Variants in YAP1 observed in about 807,000 individuals in gnomAD.
YAP1 encodes transcriptional coactivator YAP1.
Under a neutral mutation model 56.9 loss-of-function variants are expected in YAP1, and 5 were observed. That is an observed-to-expected ratio of 0.09 (90% confidence interval 0.05 to 0.18). The LOEUF (loss-of-function observed/expected upper bound fraction) is 0.18. Among genes scored for constraint, YAP1 ranks in the 10% least tolerant of loss-of-function variants. The pLI is 1.00. For missense variants in YAP1, 539 were observed against 651.8 expected (o/e 0.83, Z 1.88); for synonymous variants, 265 against 248.1 (o/e 1.07, Z -0.64).
At chr11:102,145,448 G>T (rs1945272618) in intron 2 of YAP1, among the ~76,000 whole-genome samples, 1 of 152,142 alleles carries the variant, frequency 6.6e-6, no homozygotes, top group African/African-American at 2.4e-5. Flanking sequence ...CCCCATAGAA[G>T]TTGCTATCAA....
chr11:102,186,847 T>TGTGTGTGTGTG (rs1555013227), intron 4 of YAP1, among the ~76,000 whole-genome samples: 12 of 151,334 alleles, frequency 7.9e-5, no homozygotes, highest in East Asian at 1.9e-4. Flanking sequence ...TGTGTGTGTG[T>TGTGTGTGTGTG]TTTAAACTGT....
At chr11:102,206,729 A>G (rs540547083) in intron 5 of YAP1, among the ~76,000 whole-genome samples, 2 of 152,214 alleles carry the variant, frequency 1.3e-5, no homozygotes, top group South Asian at 2.1e-4. Context: ...TGTAATCTCA[A>G]CTTCTCAGGA....
chr11:102,127,342 G>A (rs1424868404), intron 2 of YAP1, among the ~76,000 whole-genome samples: 5 of 152,192 alleles, frequency 3.3e-5, no homozygotes, highest in Non-Finnish European at 7.3e-5. Flanking sequence ...TGTGCTGTGT[G>A]CAGTCTAGGG....
chr11:102,217,600 C>G lies in YAP1; in HGVS notation c.1033-6022C>G, dbSNP rs192535203. Among the ~76,000 whole-genome samples the G allele has an allele frequency of 6.5e-4, 99 of 152,120 alleles. 1 individual carries two copies. The highest frequency in any genetic ancestry group is 2.3e-3 in the African/African-American group (97 of 41,492). ...TTATTTTAGAAAATTCTAGAAAATA[C>G]CGAATAATCTACAATGACAAAAAGC... On this transcript the variant is annotated intron_variant, in intron 6 of 8. Transcript: ENST00000282441.
chr11:102,155,754 A>G (rs1361158743), intron 2 of YAP1, among the ~76,000 whole-genome samples: 1 of 152,150 alleles, frequency 6.6e-6, no homozygotes, highest in Non-Finnish European at 1.5e-5. Flanking sequence ...AAGCCCTGTT[A>G]TGTTGTTAAC....
chr11:102,163,838 T>C (rs964061428), intron 3 of YAP1, among the ~76,000 whole-genome samples: 8 of 152,134 alleles, frequency 5.3e-5, no homozygotes, highest in African/African-American at 1.9e-4. Context: ...ATACCTCTGC[T>C]CTTGCTTTTG....
Position 102,110,820 on chromosome 11 carries a change from G to C in YAP1, c.-29G>C, listed in dbSNP as rs1942845198. On this transcript the variant is annotated 5_prime_UTR_variant, in exon 1 of 9. Transcript: ENST00000282441. ...GCGTAGCCCTCGCTCGCCTGGGTCA[G>C]GGGGTGCGCGTCGGGGGAGGCAGAA... 2 of 1,371,502 alleles carry C rather than the reference G, an allele frequency of 1.5e-6. No individual in the cohort carries two copies. Among genetic ancestry groups the C allele is most frequent in the South Asian group, 1.6e-5 (1 of 62,156 alleles). The allele number at this position is 1,371,502 out of a possible 1,614,324, so 85.0% of individuals were successfully genotyped here.
At chr11:102,131,177 A>G (rs1675994294) in intron 2 of YAP1, among the ~76,000 whole-genome samples, 1 of 152,236 alleles carries the variant, frequency 6.6e-6, no homozygotes, top group South Asian at 2.1e-4. Flanking sequence ...GCTTTGATGT[A>G]GTTATAGTTT....
At chr11:102,165,193 TACA>T (rs1946529447) in intron 3 of YAP1, among the ~76,000 whole-genome samples, 2 of 143,932 alleles carry the variant, frequency 1.4e-5, no homozygotes, top group African/African-American at 2.7e-5. Context: ...ACCTTGTCTC[TACA>T]AAAAAAAAAA....
chr11:102,171,035 G>A (rs1429206191), intron 3 of YAP1, among the ~76,000 whole-genome samples: 2 of 150,946 alleles, frequency 1.3e-5, no homozygotes, highest in African/African-American at 4.9e-5. Context: ...CTTAATAAAT[G>A]ACTTATTACA....
intron 6 of YAP1, among the ~76,000 whole-genome samples, chr11:102,218,064 A>G (rs1362897040): frequency 6.6e-6 from 1 of 152,206 alleles, no homozygotes; most frequent in South Asian, 2.1e-4. Context: ...AAACTCATCA[A>G]TTTATGCACT....
At position 102,110,686 on chromosome 11, in the gene YAP1, G is replaced by A. The variant is rs868518014; in HGVS notation, c.-163G>A. On this transcript the variant is annotated 5_prime_UTR_variant, in exon 1 of 9. Coordinates refer to ENST00000282441, the MANE Select transcript of YAP1 (RefSeq NM_001130145.3). ...GCGGGGGCGGAGGCGCCGGGGCGGG[G>A]GATGCGGGGCCGCGGCGCAGCCCCC... 1.2e-4 allele frequency: 58 copies of A among 504,278 alleles called. 1 individual carries two copies. In the Middle Eastern group the frequency reaches 2.1e-3, roughly 18 times the overall value. The allele number at this position is 504,278 out of a possible 1,614,324, so 31.2% of individuals were successfully genotyped here.
At chr11:102,174,488 G>A (rs574853497) in intron 3 of YAP1, among the ~76,000 whole-genome samples, 1 of 151,840 alleles carries the variant, frequency 6.6e-6, no homozygotes. Context: ...CAGGAGAATC[G>A]CTTGAACCCA....
chr11:102,196,213 G>A (rs1565256557), intron 4 of YAP1, among the ~76,000 whole-genome samples: 3 of 152,034 alleles, frequency 2.0e-5, no homozygotes, highest in Non-Finnish European at 2.9e-5. Context: ...AATTGGGAAC[G>A]TATGTCTCCA....
At chr11:102,137,270 C>G (rs1944726898) in intron 2 of YAP1, among the ~76,000 whole-genome samples, 1 of 152,172 alleles carries the variant, frequency 6.6e-6, no homozygotes, top group Non-Finnish European at 1.5e-5. Flanking sequence ...GTAATACCTA[C>G]TAAGCAGAGT....
intron 2 of YAP1, among the ~76,000 whole-genome samples, chr11:102,130,038 A>G (rs955592057): frequency 1.3e-5 from 2 of 152,038 alleles, no homozygotes; most frequent in Non-Finnish European, 2.9e-5. Context: ...CAGCTTCCCA[A>G]AGTGCTGGGA....
chr11:102,198,110 A>G (rs1948663788), intron 4 of YAP1, among the ~76,000 whole-genome samples: 2 of 152,246 alleles, frequency 1.3e-5, no homozygotes, highest in Admixed American at 1.3e-4. Context: ...GGTAAAGCCA[A>G]AAGTACTCAC....
In YAP1 at chr11:102,132,145, C is replaced by T. The variant is rs546568474; in HGVS notation, c.572+17751C>T. Among the ~76,000 whole-genome samples the T allele has an allele frequency of 9.9e-5, 15 of 152,074 alleles. No homozygotes were observed. In the East Asian group the frequency reaches 2.7e-3, roughly 28 times the overall value. ...AAAAAATAAAAAAAAAGAGTGATAC[C>T]GGTGAGCAGACAACTCTGGAAGGCT... On this transcript the variant is annotated intron_variant, in intron 2 of 8. Transcript: ENST00000282441.
At chr11:102,198,323 A>T (rs902211666) in intron 4 of YAP1, among the ~76,000 whole-genome samples, 1 of 152,196 alleles carries the variant, frequency 6.6e-6, no homozygotes, top group African/African-American at 2.4e-5. Flanking sequence ...ATTAATGATT[A>T]CTGCTTTTGG....
Sources: gnomAD v4.1 joint callset for allele counts (sites outside exome capture counted in the v4.1 genomes callset) on GRCh38, gnomAD v4.1.1 for gene constraint, MANE v1.5 for transcripts, NCBI Gene and HGNC (gene_info 2026-07-23, HGNC 2026-07-21) for gene names.